SCCPDH: variants seen among roughly 807,000 people sequenced by gnomAD.
The protein encoded by SCCPDH is saccharopine dehydrogenase-like oxidoreductase.
Under a neutral mutation model 51.5 loss-of-function variants are expected in SCCPDH, and 34 were observed. That is an observed-to-expected ratio of 0.66 (90% CI 0.50 to 0.88). The LOEUF is 0.88. SCCPDH is among the 40% of genes least tolerant of loss of function. SCCPDH has a pLI of 0.00. For synonymous variants in SCCPDH, 187 were observed against 191.3 expected (o/e 0.98, Z 0.19); for missense variants, 464 against 527.1 (o/e 0.88, Z 1.17).
chr1:246,762,017 C>T lies in SCCPDH; in HGVS notation c.990+1790C>T, dbSNP rs539204311. Among the ~76,000 whole-genome samples, 9 of 152,324 alleles carry T rather than the reference C, an allele frequency of 5.9e-5. No individual in the cohort carries two copies. The South Asian group carries it at 6.2e-4, about 11-fold the overall frequency. On this transcript the variant is annotated intron_variant, in intron 9 of 11. Transcript: ENST00000366510. ...GTTTTACCTTCCCACAAGCAGTATA[C>T]GAGAGTTCCAGTTTCTCTGCTTCCA...
Position 246,764,477 on chromosome 1 carries a change from TTAAG to T in SCCPDH, c.1102+124_1102+127del, listed in dbSNP as rs766280951. On this transcript the variant is annotated intron_variant, in intron 10 of 11. Coordinates refer to ENST00000366510, the MANE Select transcript of SCCPDH (RefSeq NM_016002.3). ...TGTTTTAGAAATACATTTGTACAAA[TTAAG>T]TAACTTAAAATTATTCTGTCAAAGG... 123 of 511,418 alleles carry T rather than the reference TTAAG, an allele frequency of 2.4e-4. 1 individual carries two copies. The highest frequency in any genetic ancestry group is 1.9e-3 in the Middle Eastern group (4 of 2,086). 31.7% of individuals were successfully genotyped at this position (511,418 alleles called of 1,614,324 possible).
chr1:246,760,017 G>A lies in SCCPDH; in HGVS notation c.874G>A (p.Ala292Thr), dbSNP rs1293949908. The A allele has an allele frequency of 1.2e-6, 2 of 1,613,770 alleles. No homozygotes were observed. Among genetic ancestry groups the A allele is most frequent in the Non-Finnish European group, 1.7e-6 (2 of 1,179,818 alleles). Residue 292 changes from alanine to threonine, a missense_variant, in exon 8 of 12, where the codon GCA becomes ACA. By Grantham distance (58) the Ala-to-Thr change is moderately conservative (BLOSUM62 0). Coordinates refer to ENST00000366510, the MANE Select transcript of SCCPDH (RefSeq NM_016002.3). ...GITSVIKLMF[A>T]GLFFLFFVRF... is the part of the protein sequence containing the mutation. ...CACCTCTGTTATTAAGCTGATGTTT[G>A]CAGGACTTTTCTTTTTGTTCTTTGT... is the stretch of plus-strand genomic sequence containing the variant.
intron 3 of SCCPDH, among the ~76,000 whole-genome samples, chr1:246,738,849 T>C (rs903342547): frequency 6.6e-6 from 1 of 152,196 alleles, no homozygotes; most frequent in Admixed American, 6.5e-5. Flanking sequence ...CGAGACTCCG[T>C]CTCAAAACAA....
At chr1:246,754,348 A>G (rs982670057) in intron 5 of SCCPDH, among the ~76,000 whole-genome samples, 2 of 152,222 alleles carry the variant, frequency 1.3e-5, no homozygotes, top group Non-Finnish European at 2.9e-5. Context: ...GGCCACTGCA[A>G]CAAGGCAGCG....
At chr1:246,737,600 C>T (rs900443907) in intron 3 of SCCPDH, among the ~76,000 whole-genome samples, 2 of 150,936 alleles carry the variant, frequency 1.3e-5, no homozygotes, top group African/African-American at 2.4e-5. Context: ...GAACCCCCCC[C>T]TTTTTTTTTG....
chr1:246,766,923 G>A (rs1669093285), intron 11 of SCCPDH, among the ~76,000 whole-genome samples: 1 of 152,116 alleles, frequency 6.6e-6, no homozygotes, highest in East Asian at 1.9e-4. Flanking sequence ...CGGGGTGATG[G>A]CGCACAGTGC....
chr1:246,750,984 C>T (rs1438309206), intron 5 of SCCPDH, among the ~76,000 whole-genome samples: 1 of 152,230 alleles, frequency 6.6e-6, no homozygotes, highest in Admixed American at 6.5e-5. Context: ...TCACACATGG[C>T]GTGGGGCCCC....
At chr1:246,733,491 TACACACACAC>T (rs57989437) in intron 2 of SCCPDH, among the ~76,000 whole-genome samples, 4 of 148,870 alleles carry the variant, frequency 2.7e-5, no homozygotes, top group Non-Finnish European at 4.5e-5. Flanking sequence ...TCATATTTTA[TACACACACAC>T]ACACACACAC....
chr1:246,740,574 A>G lies in SCCPDH; in HGVS notation c.514+273A>G, dbSNP rs1228353630. Reference sequence around the variant, plus strand: ...AAATTTCTGGAAAACAACTTTGGCAACGTTATAAATTCAAACTTGCTTTGT... The same window carrying G: ...AAATTTCTGGAAAACAACTTTGGCAGCGTTATAAATTCAAACTTGCTTTGT... On this transcript the variant is annotated intron_variant, in intron 4 of 11. Coordinates refer to ENST00000366510, the MANE Select transcript of SCCPDH (RefSeq NM_016002.3). Among the ~76,000 whole-genome samples, 4 of 152,346 alleles carry G rather than the reference A, an allele frequency of 2.6e-5. 1 individual carries two copies. The highest frequency in any genetic ancestry group is 6.8e-3 in the Middle Eastern group (2 of 294).
chr1:246,738,161 A>C (rs1668625821), intron 3 of SCCPDH, among the ~76,000 whole-genome samples: 1 of 152,086 alleles, frequency 6.6e-6, no homozygotes, highest in South Asian at 2.1e-4. Flanking sequence ...GCGCCACTGC[A>C]CTCCAGCCTG....
chr1:246,763,268 A>T (rs1159358671), intron 9 of SCCPDH, among the ~76,000 whole-genome samples: 1 of 152,130 alleles, frequency 6.6e-6, no homozygotes, highest in African/African-American at 2.4e-5. Flanking sequence ...TGATTAATTG[A>T]TAGTAGCCAC....
At chr1:246,740,937 A>G (rs756515083) in intron 4 of SCCPDH, among the ~76,000 whole-genome samples, 1 of 152,012 alleles carries the variant, frequency 6.6e-6, no homozygotes, top group African/African-American at 2.4e-5. Context: ...AAAATTAGCC[A>G]GGTGTGGTGG....
intron 4 of SCCPDH, 74 bp from the exon 5 acceptor site, chr1:246,744,002 T>C (rs1177543585): frequency 2.3e-6 from 2 of 873,342 alleles, no homozygotes; most frequent in Non-Finnish European, 3.8e-6. Context: ...GAATACGCAT[T>C]GTTTATTATT....
At chr1:246,752,043 G>T (rs1334977821) in intron 5 of SCCPDH, among the ~76,000 whole-genome samples, 1 of 150,868 alleles carries the variant, frequency 6.6e-6, no homozygotes, top group African/African-American at 2.4e-5. Context: ...GCCTCCCAAA[G>T]TGCTGGGATT....
At chr1:246,727,756 C>T (rs1194334665) in intron 2 of SCCPDH, among the ~76,000 whole-genome samples, 1 of 152,066 alleles carries the variant, frequency 6.6e-6, no homozygotes, top group Non-Finnish European at 1.5e-5. Flanking sequence ...CCTGAGATGC[C>T]AGTGTGCTTG....
rs555590305 is a variant in SCCPDH, at chr1:246,764,265, C to T, written c.1010C>T (p.Thr337Met). Residue 337 changes from threonine (T) to methionine (M), a missense_variant, in exon 10 of 12, where the codon ACG becomes ATG. Thr to Met is a moderately conservative substitution (Grantham distance 81). Coordinates refer to ENST00000366510, the MANE Select transcript of SCCPDH (RefSeq NM_016002.3). ...TCACAGATTGATGCTGCCTCATTCA[C>T]GCTGACATTCTTTGGTCAAGGATAC... ...TQKQIDAASF[T>M]LTFFGQGYSQ... The T allele has an allele frequency of 3.6e-4, 574 of 1,613,062 alleles. 6 individuals carry two copies. In the South Asian group the frequency reaches 5.9e-3, roughly 16 times the overall value.
At chr1:246,725,081 CGAG>C (rs1374592494) in intron 1 of SCCPDH, among the ~76,000 whole-genome samples, 1 of 152,132 alleles carries the variant, frequency 6.6e-6, no homozygotes, top group Non-Finnish European at 1.5e-5. Context: ...AGCAAGCTTA[CGAG>C]TTGTACTGAC....
intron 2 of SCCPDH, among the ~76,000 whole-genome samples, chr1:246,733,608 A>G (rs1467300068): frequency 6.6e-6 from 1 of 151,962 alleles, no homozygotes; most frequent in African/African-American, 2.4e-5. Flanking sequence ...CACCTGGCCT[A>G]GAGGCTACAC....
At chr1:246,737,204 A>G (rs556709936) in intron 3 of SCCPDH, among the ~76,000 whole-genome samples, 1 of 149,484 alleles carries the variant, frequency 6.7e-6, no homozygotes, top group East Asian at 2.0e-4. Flanking sequence ...GTAAATTACA[A>G]AAATTGATTC....
Sources: allele counts gnomAD v4.1 joint callset (sites outside exome capture counted in the v4.1 genomes callset), GRCh38; gene constraint gnomAD v4.1.1; transcripts MANE v1.5; gene names NCBI Gene and HGNC (gene_info 2026-07-23, HGNC 2026-07-21).